The following ALK variants were observed in gnomAD, a reference collection of about 807,000 sequenced individuals.
ALK encodes the protein ALK receptor tyrosine kinase, also known as ALK tyrosine kinase receptor.
Under a neutral mutation model 163.1 loss-of-function variants are expected in ALK, and 74 were observed. That is an observed-to-expected ratio of 0.45 (90% CI 0.38 to 0.55). ALK has a LOEUF of 0.55. Ranked by LOEUF, ALK falls within the 20% of genes least tolerant of loss-of-function variation. The probability of loss-of-function intolerance (pLI) is 0.00; values close to 1 mark genes in which losing one functional copy is unlikely to be tolerated. For synonymous variants in ALK, 960 were observed against 843.2 expected (o/e 1.14, Z -2.40); for missense variants, 2,063 against 2,105.3 (o/e 0.98, Z 0.39).
chr2:29,909,579 A>C (rs922535901), intron 1 of ALK, among the ~76,000 whole-genome samples: 5 of 152,180 alleles, frequency 3.3e-5, no homozygotes, highest in Non-Finnish European at 5.9e-5. Flanking sequence ...TAAGTTGTGC[A>C]TTCATACAGT....
intron 4 of ALK, among the ~76,000 whole-genome samples, chr2:29,442,523 G>C (rs1305751952): frequency 6.6e-6 from 1 of 152,078 alleles, no homozygotes; most frequent in Non-Finnish European, 1.5e-5. Context: ...ACAATGACCT[G>C]GCGATCTTCA....
At chr2:29,830,239 T>C (rs1166827953) in intron 1 of ALK, among the ~76,000 whole-genome samples, 1 of 152,232 alleles carries the variant, frequency 6.6e-6, no homozygotes, top group African/African-American at 2.4e-5. Context: ...CAAGGAGTTC[T>C]TTTCCCTTCC....
chr2:29,853,147 C>CATATAAAA lies in ALK; in HGVS notation c.667+66845_667+66846insTTTTATAT, dbSNP rs540672243. On this transcript the variant is annotated intron_variant, in intron 1 of 28. Coordinates refer to ENST00000389048, the MANE Select transcript of ALK (RefSeq NM_004304.5). ...ATTATTAATATATGGGAATCGAAAGCAGCCTTATTGATTTAGGCTTTAAAC... is the reference window on the plus strand; with the variant it reads ...ATTATTAATATATGGGAATCGAAAGCATATAAAAAGCCTTATTGATTTAGGCTTTAAAC... Among the ~76,000 whole-genome samples, 587 of 152,250 alleles carry CATATAAAA rather than the reference C, an allele frequency of 3.9e-3. 3 individuals are homozygous for CATATAAAA. The highest frequency in any genetic ancestry group is 0.013 in the African/African-American group (560 of 41,520).
chr2:29,519,909 A>G (rs1181266947), intron 4 of ALK, among the ~76,000 whole-genome samples: 1 of 152,246 alleles, frequency 6.6e-6, no homozygotes. Flanking sequence ...ACAGTTGGAC[A>G]GAATGTAATT....
chr2:29,519,708 A>G (rs991906131), intron 4 of ALK, among the ~76,000 whole-genome samples: 9 of 152,342 alleles, frequency 5.9e-5, no homozygotes, highest in Middle Eastern at 3.4e-3. Context: ...GGATGAGCCA[A>G]TGGTCACTAG....
At chr2:29,776,158 GA>G (rs1681169691) in intron 1 of ALK, among the ~76,000 whole-genome samples, 1 of 147,778 alleles carries the variant, frequency 6.8e-6, no homozygotes. Context: ...CTTCCTGGAA[GA>G]AGCATGACAT....
At chr2:29,850,266 G>T (rs1316278879) in intron 1 of ALK, among the ~76,000 whole-genome samples, 5 of 152,182 alleles carry the variant, frequency 3.3e-5, no homozygotes, top group Non-Finnish European at 1.5e-5. Context: ...TTAGAAGTCG[G>T]GACTGGTTCC....
At chr2:29,706,110 C>T (rs535294357) in intron 2 of ALK, among the ~76,000 whole-genome samples, 22 of 152,220 alleles carry the variant, frequency 1.4e-4, no homozygotes, top group Non-Finnish European at 3.1e-4. Context: ...CTTTCCAGAC[C>T]TCAGTGTCCT....
chr2:29,217,097 A>T (rs1252018135), intron 23 of ALK, among the ~76,000 whole-genome samples: 13 of 96,764 alleles, frequency 1.3e-4, no homozygotes, highest in African/African-American at 5.3e-4. Context: ...GTATATGTCT[A>T]TGTGGTGTGT....
At chr2:29,527,320 G>C (rs146131314) in intron 4 of ALK, among the ~76,000 whole-genome samples, 11 of 152,138 alleles carry the variant, frequency 7.2e-5, no homozygotes, top group African/African-American at 2.7e-4. Context: ...TTAAGTAAGC[G>C]CGGCAGCTGT....
intron 3 of ALK, among the ~76,000 whole-genome samples, chr2:29,532,761 AG>A (rs1285471157): frequency 2.6e-5 from 4 of 152,212 alleles, no homozygotes; most frequent in South Asian, 2.1e-4. Context: ...TCAGTGTAAA[AG>A]CACACCACCA....
At chr2:29,780,971 C>T (rs549576329) in intron 1 of ALK, among the ~76,000 whole-genome samples, 8 of 152,210 alleles carry the variant, frequency 5.3e-5, no homozygotes, top group Non-Finnish European at 1.2e-4. Flanking sequence ...CAAACATCAT[C>T]CTCAGAAAAG....
Position 29,530,060 on chromosome 2 carries a change from CTCT to C in ALK, c.1154+1852_1154+1854del, listed in dbSNP as rs1558369450. On this transcript the variant is annotated intron_variant, in intron 4 of 28. Transcript: ENST00000389048. ...AAGGATCAAATAATCAAAATAATCG[CTCT>C]TTTTTTTTTTTTTTTTTTTTTGCAA... 8.8e-5 allele frequency among the ~76,000 whole-genome samples: 9 copies of C among 102,642 alleles called. No homozygotes were observed. The Admixed American group carries it at 1.3e-3, about 14-fold the overall frequency. 67.3% of individuals were successfully genotyped at this position (102,642 alleles called of 152,430 possible).
intron 2 of ALK, among the ~76,000 whole-genome samples, chr2:29,701,779 A>T (rs1358627622): frequency 1.3e-5 from 2 of 152,150 alleles, no homozygotes; most frequent in Admixed American, 1.3e-4. Context: ...ATCCCTATGA[A>T]TTAGGCAGGA....
At chr2:29,296,738 T>G in intron 9 of ALK, 150 bp downstream of exon 9, 1 of 796,522 alleles carries the variant, frequency 1.3e-6, no homozygotes, top group South Asian at 1.6e-5. Context: ...TGTGTGTGTG[T>G]GTGCACGTGC....
At chr2:29,353,395 C>A (rs1327103368) in intron 5 of ALK, among the ~76,000 whole-genome samples, 1 of 152,158 alleles carries the variant, frequency 6.6e-6, no homozygotes, top group East Asian at 1.9e-4. Context: ...TTACATTTTG[C>A]AATTACTCCA....
intron 2 of ALK, among the ~76,000 whole-genome samples, chr2:29,708,684 A>G (rs1425046599): frequency 6.6e-6 from 1 of 152,210 alleles, no homozygotes; most frequent in Non-Finnish European, 1.5e-5. Context: ...TATTGAGAAG[A>G]AAATGAACCC....
intron 1 of ALK, among the ~76,000 whole-genome samples, chr2:29,860,122 G>T (rs189598370): frequency 6.6e-6 from 1 of 152,200 alleles, no homozygotes; most frequent in African/African-American, 2.4e-5. Flanking sequence ...GACCTACATG[G>T]CTAGGGCCTT....
chr2:29,577,005 C>T (rs180683079), intron 3 of ALK, among the ~76,000 whole-genome samples: 124 of 152,174 alleles, frequency 8.1e-4, no homozygotes, highest in African/African-American at 2.4e-3. Flanking sequence ...TTGGAATGTG[C>T]ATGAATCATC....
Sources: allele counts gnomAD v4.1 joint callset (sites outside exome capture counted in the v4.1 genomes callset), GRCh38; gene constraint gnomAD v4.1.1; transcripts MANE v1.5; gene names NCBI Gene and HGNC (gene_info 2026-07-23, HGNC 2026-07-21).